The following AK8 variants were observed in gnomAD, a reference collection of about 807,000 sequenced individuals.
AK8 encodes adenylate kinase 8, also known as ATP-AMP transphosphorylase 8.
AK8 carries 44 observed loss-of-function variants against 54.6 expected under a neutral mutation model. The observed-to-expected ratio is 0.81, with a 90% confidence interval of 0.63 to 1.04. The LOEUF (loss-of-function observed/expected upper bound fraction) is 1.04. Among genes scored for constraint, AK8 ranks in the 50% least tolerant of loss-of-function variants. The pLI, the probability that AK8 is intolerant of heterozygous loss-of-function variation, is 0.00. For missense variants in AK8, 555 were observed against 613.6 expected, an observed-to-expected ratio of 0.90 and a Z score of 1.01; for synonymous variants, 239 against 245.6, an observed-to-expected ratio of 0.97 and a Z score of 0.25.
intron 5 of AK8, among the ~76,000 whole-genome samples, chr9:132,849,190 G>A (rs951999587): frequency 2.0e-5 from 3 of 152,076 alleles, no homozygotes; most frequent in African/African-American, 7.2e-5. Context: ...TTACAGGTGT[G>A]AGCCACTACG....
chr9:132,830,866 A>G (rs1476276687), intron 5 of AK8, among the ~76,000 whole-genome samples: 3 of 152,226 alleles, frequency 2.0e-5, no homozygotes, highest in Non-Finnish European at 4.4e-5. Flanking sequence ...AAGCTGATAC[A>G]TATTCACTTG....
chr9:132,878,866 C>T (rs1844283283), upstream of AK8: 5 of 809,508 alleles, frequency 6.2e-6, no homozygotes, highest in African/African-American at 1.9e-5. The surrounding 1 kb of genome is among the most constrained non-coding windows in gnomAD (Gnocchi z 4.7). Flanking sequence ...GCCCGCGGCC[C>T]CGCCCCTTCT....
intron 4 of AK8, among the ~76,000 whole-genome samples, chr9:132,861,836 C>T (rs1387155404): frequency 5.9e-5 from 9 of 152,240 alleles, no homozygotes; most frequent in Non-Finnish European, 1.0e-4. Context: ...TGTGCCCACT[C>T]GCTCTTCAGA....
chr9:132,831,355 G>A (rs1310593081), intron 5 of AK8, among the ~76,000 whole-genome samples: 1 of 152,042 alleles, frequency 6.6e-6, no homozygotes, highest in African/African-American at 2.4e-5. Flanking sequence ...ATCGTCTCAT[G>A]TGCTTAAGTT....
intron 5 of AK8, among the ~76,000 whole-genome samples, chr9:132,848,599 C>CTGGTT (rs1842848322): frequency 6.6e-6 from 1 of 152,320 alleles, no homozygotes; most frequent in East Asian, 1.9e-4. Flanking sequence ...CTCTCCCGCC[C>CTGGTT]TGGTTTTTCC....
At position 132,725,913 on chromosome 9, in the gene AK8, C is replaced by G. The variant is rs747724625; in HGVS notation, c.1215G>C (p.Met405Ile). ...DPVTGERYHL[M>I]YKPPPTMEIQ... ...TCTCCATGGTGGGAGGTGGCTTGTACATGAGGTGGTACCTGCAAGGGAGGA... is the reference window on the plus strand; with the variant it reads ...TCTCCATGGTGGGAGGTGGCTTGTAGATGAGGTGGTACCTGCAAGGGAGGA... Residue 405 changes from methionine (M) to isoleucine (I), a missense_variant, in exon 13 of 13, where the codon ATG becomes ATC. Physicochemically the swap from Met to Ile is conservative, Grantham distance 10. Transcript: ENST00000298545. 11 of 1,611,298 alleles carry G rather than the reference C, an allele frequency of 6.8e-6. No homozygotes were observed. In the Admixed American group the frequency reaches 1.8e-4, roughly 27 times the overall value.
At chr9:132,727,085 G>A (rs1836611329) in intron 12 of AK8, among the ~76,000 whole-genome samples, 1 of 152,106 alleles carries the variant, frequency 6.6e-6, no homozygotes, top group South Asian at 2.1e-4. Context: ...TGCCCATGGG[G>A]ATGTGTTTGT....
chr9:132,857,564 C>T (rs568493864), intron 4 of AK8, among the ~76,000 whole-genome samples: 17 of 152,294 alleles, frequency 1.1e-4, no homozygotes, highest in African/African-American at 3.6e-4. Context: ...CCTTTCCCAG[C>T]CCCTCAGGTC....
rs554829970 is a variant in AK8 at position 132,823,442 on chromosome 9, C to G, written c.758-106G>C. ...TTTTAACGGCAGTAACTCTTTTTCT[C>G]TTTCACAGCACCATGGAAGCCCTCT... On this transcript the variant is annotated intron_variant, in intron 8 of 12. Transcript: ENST00000298545. 33 of 1,467,598 alleles carry G rather than the reference C, an allele frequency of 2.2e-5. No individual in the cohort carries two copies. The East Asian group carries it at 7.7e-4, about 34-fold the overall frequency. 90.9% of individuals were successfully genotyped at this position (1,467,598 alleles called of 1,614,324 possible).
intron 10 of AK8, among the ~76,000 whole-genome samples, chr9:132,793,478 C>T (rs969137688): frequency 6.6e-6 from 1 of 152,200 alleles, no homozygotes; most frequent in African/African-American, 2.4e-5. Context: ...ACTGTGCCAG[C>T]GCCCCCAAAG....
rs1841644023 is a variant in AK8 at position 132,821,773 on chromosome 9, A to ATT, written c.889+1431_889+1432insAA. 2.8e-5 allele frequency among the ~76,000 whole-genome samples: 4 copies of ATT among 141,408 alleles called. 1 individual carries two copies. Among genetic ancestry groups the ATT allele is most frequent in the Admixed American group, 1.5e-4 (2 of 13,764 alleles). 92.8% of individuals were successfully genotyped at this position (141,408 alleles called of 152,430 possible). A position where few individuals can be genotyped will look rare whatever the true frequency, so the allele number is the denominator to read the frequency against. ...TATACAAATATATACATATATGTATATGTGTATGTATATACAAATATATAC... is the reference window on the plus strand; with the variant it reads ...TATACAAATATATACATATATGTATATTTGTGTATGTATATACAAATATATAC... On this transcript the variant is annotated intron_variant, in intron 9 of 12. Coordinates refer to ENST00000298545, the MANE Select transcript of AK8 (RefSeq NM_152572.3).
At chr9:132,848,488 T>A (rs1842843737) in intron 5 of AK8, among the ~76,000 whole-genome samples, 1 of 152,198 alleles carries the variant, frequency 6.6e-6, no homozygotes, top group Admixed American at 6.5e-5. Flanking sequence ...CTGGGTTTTC[T>A]GGTTCCTGCC....
At chr9:132,847,019 G>C (rs1842779285) in intron 5 of AK8, among the ~76,000 whole-genome samples, 6 of 152,230 alleles carry the variant, frequency 3.9e-5, no homozygotes, top group Admixed American at 3.9e-4. Context: ...CAGAGGCTCT[G>C]GGCCTGCCTG....
intron 11 of AK8, among the ~76,000 whole-genome samples, chr9:132,735,269 C>T (rs997088956): frequency 6.6e-6 from 1 of 152,210 alleles, no homozygotes; most frequent in Non-Finnish European, 1.5e-5. Flanking sequence ...CACAGGAAGC[C>T]TCCTTCCTCA....
intron 5 of AK8, among the ~76,000 whole-genome samples, chr9:132,840,336 G>A (rs776010926): frequency 6.6e-6 from 1 of 151,508 alleles, no homozygotes. Flanking sequence ...CTTGCATTAC[G>A]CTCGCGTTTG....
chr9:132,766,093 T>C (rs1304288917), intron 11 of AK8, among the ~76,000 whole-genome samples: 1 of 152,218 alleles, frequency 6.6e-6, no homozygotes, highest in Admixed American at 6.5e-5. Flanking sequence ...CAATTACCAT[T>C]GTTACAAAAC....
At chr9:132,819,813 GAATTA>G (rs1841497327) in intron 9 of AK8, among the ~76,000 whole-genome samples, 1 of 151,924 alleles carries the variant, frequency 6.6e-6, no homozygotes, top group Non-Finnish European at 1.5e-5. Flanking sequence ...TACCACAATA[GAATTA>G]AATTAGAAAT....
intron 11 of AK8, among the ~76,000 whole-genome samples, chr9:132,787,097 C>T (rs1310381873): frequency 6.6e-6 from 1 of 152,080 alleles, no homozygotes; most frequent in Non-Finnish European, 1.5e-5. Context: ...ACCACACACA[C>T]ACATACACAC....
At chr9:132,807,057 G>A (rs548369389) in intron 10 of AK8, among the ~76,000 whole-genome samples, 19 of 152,214 alleles carry the variant, frequency 1.2e-4, no homozygotes, top group African/African-American at 3.9e-4. Flanking sequence ...CAGGACTTTC[G>A]CTTTTAGGGG....
Sources: gnomAD v4.1 joint callset for allele counts (sites outside exome capture counted in the v4.1 genomes callset) on GRCh38, gnomAD v4.1.1 for gene constraint, Gnocchi (gnomAD v3.1) non-coding constraint, MANE v1.5 for transcripts, NCBI Gene and HGNC (gene_info 2026-07-23, HGNC 2026-07-21) for gene names.